Variants in MRPL1 observed in about 807,000 individuals in gnomAD.
MRPL1 encodes large ribosomal subunit protein uL1m.
Under a neutral mutation model 38.0 loss-of-function variants are expected in MRPL1, and 28 were observed. That is an observed-to-expected ratio of 0.74 (90% CI 0.55 to 1.01). The LOEUF is 1.01. Among genes scored for constraint, MRPL1 ranks in the 50% least tolerant of loss-of-function variants. The pLI is 0.00. For synonymous variants in MRPL1, 123 were observed against 126.7 expected (o/e 0.97, Z 0.20); for missense variants, 358 against 389.8 (o/e 0.92, Z 0.69).
intron 7 of MRPL1, among the ~76,000 whole-genome samples, chr4:77,926,185 A>G (rs964971150): frequency 1.3e-5 from 2 of 152,216 alleles, no homozygotes; most frequent in Admixed American, 1.3e-4. Flanking sequence ...TTACTTTATC[A>G]TGCTGGGTAA....
At chr4:77,937,236 A>T (rs1489360401) in intron 7 of MRPL1, among the ~76,000 whole-genome samples, 1 of 152,156 alleles carries the variant, frequency 6.6e-6, no homozygotes, top group Non-Finnish European at 1.5e-5. Flanking sequence ...ACGCACGCAT[A>T]CTAGACAGAT....
At chr4:77,895,948 T>C (rs1735902505) in intron 6 of MRPL1, among the ~76,000 whole-genome samples, 1 of 152,128 alleles carries the variant, frequency 6.6e-6, no homozygotes, top group African/African-American at 2.4e-5. Context: ...TTCTCATAAC[T>C]TTTTTGTTCT....
intron 7 of MRPL1, among the ~76,000 whole-genome samples, chr4:77,920,098 A>C (rs967188015): frequency 1.3e-5 from 2 of 152,146 alleles, no homozygotes; most frequent in Admixed American, 6.6e-5. Flanking sequence ...AAAGTGACTT[A>C]GTTTTTTATC....
chr4:77,877,609 T>A (rs72652558), intron 2 of MRPL1, among the ~76,000 whole-genome samples: 2,153 of 149,368 alleles, frequency 0.014, 26 homozygotes, highest in Non-Finnish European at 0.023. Flanking sequence ...TTTTTTTTTT[T>A]AAATAAATGC....
chr4:77,929,033 T>C (rs568394490), intron 7 of MRPL1, among the ~76,000 whole-genome samples: 2 of 152,364 alleles, frequency 1.3e-5, no homozygotes, highest in South Asian at 4.1e-4. Context: ...ATGAAAAATA[T>C]AAATGTTGCA....
intron 7 of MRPL1, among the ~76,000 whole-genome samples, chr4:77,932,117 A>C (rs1267878244): frequency 1.3e-5 from 2 of 152,358 alleles, no homozygotes; most frequent in East Asian, 3.9e-4. Flanking sequence ...TGACATATTC[A>C]GCCTGCTCAA....
At chr4:77,945,651 T>C (rs1307719729) in intron 7 of MRPL1, among the ~76,000 whole-genome samples, 2 of 151,516 alleles carry the variant, frequency 1.3e-5, no homozygotes, top group African/African-American at 4.9e-5. Flanking sequence ...AAATAAAGAG[T>C]ATAAAGAGAG....
At position 77,898,989 on chromosome 4, in the gene MRPL1, ATT is replaced by A. The variant is rs745761741; in HGVS notation, c.670+4760_670+4761del. Among the ~76,000 whole-genome samples, 657 of 94,996 alleles carry A rather than the reference ATT, an allele frequency of 6.9e-3. 3 individuals are homozygous for A. The highest frequency in any genetic ancestry group is 0.026 in the African/African-American group (597 of 22,928). The allele number at this position is 94,996 out of a possible 152,430, so 62.3% of individuals were successfully genotyped here. A position where few individuals can be genotyped will look rare whatever the true frequency, so the allele number is the denominator to read the frequency against. ...ACTTTTTACAGTTACTTATGCACAG[ATT>A]TTTTTTTTTTTTTTTTTTTTGAGAC... On this transcript the variant is annotated intron_variant, in intron 6 of 8. Transcript: ENST00000315567.
At chr4:77,863,529 C>T (rs908055483) in intron 1 of MRPL1, among the ~76,000 whole-genome samples, 1 of 139,222 alleles carries the variant, frequency 7.2e-6, no homozygotes, top group Non-Finnish European at 1.5e-5. Flanking sequence ...TGCTGTGGTG[C>T]GATCTCAGCT....
intron 7 of MRPL1, among the ~76,000 whole-genome samples, chr4:77,934,855 A>G (rs1304230666): frequency 6.6e-6 from 1 of 152,192 alleles, no homozygotes; most frequent in East Asian, 1.9e-4. Context: ...TTTACAAATG[A>G]AGGAAATTGA....
chr4:77,904,276 G>C (rs72869558), intron 6 of MRPL1, among the ~76,000 whole-genome samples: 1 of 151,806 alleles, frequency 6.6e-6, no homozygotes, highest in African/African-American at 2.4e-5. Flanking sequence ...AAGTTTGTCC[G>C]GGCATGCTGG....
At chr4:77,916,703 A>G (rs981088367) in intron 7 of MRPL1, among the ~76,000 whole-genome samples, 2 of 152,284 alleles carry the variant, frequency 1.3e-5, no homozygotes, top group African/African-American at 2.4e-5. Context: ...GTTGTATTCT[A>G]TCATATACCA....
chr4:77,891,425 G>A (rs1222689491), intron 5 of MRPL1, among the ~76,000 whole-genome samples: 5 of 149,908 alleles, frequency 3.3e-5, no homozygotes, highest in East Asian at 2.0e-4. Context: ...ACGTGATCTC[G>A]GCTCACTGCA....
intron 7 of MRPL1, among the ~76,000 whole-genome samples, chr4:77,913,446 A>T (rs986961737): frequency 6.6e-6 from 1 of 152,218 alleles, no homozygotes; most frequent in Non-Finnish European, 1.5e-5. Flanking sequence ...CCACAATGGG[A>T]TAACACACAT....
At chr4:77,890,619 G>A (rs1303105437) in intron 5 of MRPL1, among the ~76,000 whole-genome samples, 1 of 152,166 alleles carries the variant, frequency 6.6e-6, no homozygotes, top group East Asian at 1.9e-4. Flanking sequence ...ACATAGTGTT[G>A]GAAGTTCTGG....
chr4:77,905,844 A>G (rs1244014989), intron 6 of MRPL1, among the ~76,000 whole-genome samples: 1 of 152,222 alleles, frequency 6.6e-6, no homozygotes, highest in Non-Finnish European at 1.5e-5. Context: ...TTACATCATC[A>G]GTATGATATC....
intron 7 of MRPL1, among the ~76,000 whole-genome samples, chr4:77,926,244 C>T (rs977519057): frequency 3.3e-5 from 5 of 152,038 alleles, no homozygotes; most frequent in African/African-American, 1.2e-4. Flanking sequence ...AATATAGGGT[C>T]TCTACACTGG....
chr4:77,940,708 G>A (rs1330112106), intron 7 of MRPL1, among the ~76,000 whole-genome samples: 1 of 152,032 alleles, frequency 6.6e-6, no homozygotes, highest in East Asian at 1.9e-4. Flanking sequence ...ATTACATTAA[G>A]GTGTGTCCCA....
At position 77,885,343 on chromosome 4, in the gene MRPL1, A is replaced by T. The variant is rs1432342183; in HGVS notation, c.486+4A>T. The stretch of plus-strand genomic sequence containing the variant: ...TAAAGTTGCTGTATTTACAGAGGTG[A>T]GTAACTTCCGTCAACTATTTATATC... On this transcript the variant is annotated splice_donor_region_variant and intron_variant, in intron 4 of 8. Coordinates refer to ENST00000315567, the MANE Select transcript of MRPL1 (RefSeq NM_020236.4). 4.4e-6 allele frequency: 7 copies of T among 1,604,150 alleles called. No individual in the cohort carries two copies. Among genetic ancestry groups the T allele is most frequent in the South Asian group, 3.3e-5 (3 of 90,788 alleles).
Sources: allele counts gnomAD v4.1 joint callset (sites outside exome capture counted in the v4.1 genomes callset), GRCh38; gene constraint gnomAD v4.1.1; transcripts MANE v1.5; gene names NCBI Gene and HGNC (gene_info 2026-07-23, HGNC 2026-07-21).